The following TMPRSS11D variants were observed in gnomAD, a reference collection of about 807,000 sequenced individuals.
The protein encoded by TMPRSS11D is transmembrane serine protease 11D, also known as transmembrane protease serine 11D.
Under a neutral mutation model 44.4 loss-of-function variants are expected in TMPRSS11D, and 32 were observed. That is an observed-to-expected ratio of 0.72 (90% CI 0.54 to 0.97). The LOEUF is 0.97. Ranked by LOEUF, TMPRSS11D falls within the 50% of genes least tolerant of loss-of-function variation. The pLI is 0.00. For missense variants in TMPRSS11D, 446 were observed against 502.6 expected, an observed-to-expected ratio of 0.89 and a Z score of 1.08; for synonymous variants, 179 against 177.9, an observed-to-expected ratio of 1.01 and a Z score of -0.05.
At chr4:67,839,777 G>A (rs1455848121) in intron 4 of TMPRSS11D, among the ~76,000 whole-genome samples, 1 of 151,730 alleles carries the variant, frequency 6.6e-6, no homozygotes, top group Non-Finnish European at 1.5e-5. Flanking sequence ...CTGGCTGCAC[G>A]ATGTCTGAAT....
chr4:67,867,905 G>T (rs529588667), intron 1 of TMPRSS11D, among the ~76,000 whole-genome samples: 2 of 152,188 alleles, frequency 1.3e-5, no homozygotes, highest in South Asian at 4.1e-4. Context: ...GAAAAACAAT[G>T]TGGAGACTTC....
At chr4:67,826,187 T>C (rs1321776869) in intron 8 of TMPRSS11D, among the ~76,000 whole-genome samples, 1 of 152,126 alleles carries the variant, frequency 6.6e-6, no homozygotes, top group East Asian at 1.9e-4. Flanking sequence ...AGATTTTGGA[T>C]TGGAAGATTA....
At chr4:67,842,768 CAT>C in intron 3 of TMPRSS11D, 143 bp from the exon 4 acceptor site, 1 of 720,190 alleles carries the variant, frequency 1.4e-6, no homozygotes, top group South Asian at 1.7e-5. Flanking sequence ...TTGCAAAACA[CAT>C]GGGATTGATT....
chr4:67,874,277 C>T (rs1476863696), intron 1 of TMPRSS11D, among the ~76,000 whole-genome samples: 1 of 151,052 alleles, frequency 6.6e-6, no homozygotes, highest in Non-Finnish European at 1.5e-5. Flanking sequence ...GTTTCCCTGT[C>T]AAGTAACGCA....
intron 3 of TMPRSS11D, among the ~76,000 whole-genome samples, chr4:67,847,243 ATGT>A (rs1314735565): frequency 1.3e-5 from 2 of 152,116 alleles, no homozygotes; most frequent in African/African-American, 2.4e-5. Context: ...TTGAAGGAAA[ATGT>A]TGTGTGTGTG....
intron 9 of TMPRSS11D, among the ~76,000 whole-genome samples, chr4:67,823,791 G>C (rs559013958): frequency 1.3e-5 from 2 of 152,150 alleles, no homozygotes; most frequent in East Asian, 3.9e-4. Flanking sequence ...CAGTTAACCA[G>C]TTCTCAGTTC....
chr4:67,853,389 G>A (rs556195237), intron 3 of TMPRSS11D, among the ~76,000 whole-genome samples: 1 of 152,304 alleles, frequency 6.6e-6, no homozygotes, highest in East Asian at 1.9e-4. Flanking sequence ...CCTGCCAGGT[G>A]ACTCAGTTAC....
chr4:67,852,820 ATGT>A (rs1222634053), intron 3 of TMPRSS11D, among the ~76,000 whole-genome samples: 1 of 152,132 alleles, frequency 6.6e-6, no homozygotes, highest in Non-Finnish European at 1.5e-5. Flanking sequence ...ACCCGACCAA[ATGT>A]TGTGGATATA....
intron 1 of TMPRSS11D, among the ~76,000 whole-genome samples, chr4:67,882,849 A>G (rs1484571993): frequency 6.6e-6 from 1 of 150,542 alleles, no homozygotes. Context: ...ATGAGTAAAT[A>G]CAATTTTGTG....
chr4:67,872,487 T>C (rs62301302), intron 1 of TMPRSS11D, among the ~76,000 whole-genome samples: 2,194 of 152,278 alleles, frequency 0.014, 28 homozygotes, highest in Non-Finnish European at 0.022. Flanking sequence ...TATTTGATTA[T>C]CTTTTGGGAT....
intron 6 of TMPRSS11D, 137 bp downstream of exon 6, chr4:67,834,946 T>G: frequency 2.6e-6 from 2 of 766,144 alleles, no homozygotes; most frequent in Non-Finnish European, 4.5e-6. Context: ...CTGTCTTGTT[T>G]CAACACCACC....
At chr4:67,834,331 T>C (rs1198623024) in intron 6 of TMPRSS11D, among the ~76,000 whole-genome samples, 1 of 152,144 alleles carries the variant, frequency 6.6e-6, no homozygotes, top group Non-Finnish European at 1.5e-5. Flanking sequence ...ATGTGTTCCT[T>C]TGTGGCATCT....
At chr4:67,862,409 A>G (rs763493625) in intron 1 of TMPRSS11D, among the ~76,000 whole-genome samples, 24 of 152,236 alleles carry the variant, frequency 1.6e-4, no homozygotes, top group Non-Finnish European at 3.2e-4. Flanking sequence ...GTCCCTAAGT[A>G]CATTGCTTCA....
intron 1 of TMPRSS11D, among the ~76,000 whole-genome samples, chr4:67,870,813 CAAAAA>C (rs11318143): frequency 1.5e-5 from 2 of 133,950 alleles, no homozygotes; most frequent in Non-Finnish European, 1.6e-5. Flanking sequence ...GACCCTGTCT[CAAAAA>C]AAAAAAAAAA....
intron 3 of TMPRSS11D, among the ~76,000 whole-genome samples, chr4:67,844,975 G>A (rs1371821230): frequency 1.3e-5 from 2 of 151,956 alleles, no homozygotes; most frequent in South Asian, 2.1e-4. Flanking sequence ...GACTTTAATC[G>A]AAGTAGAAAA....
intron 4 of TMPRSS11D, among the ~76,000 whole-genome samples, chr4:67,841,708 C>T (rs1718235142): frequency 6.6e-6 from 1 of 152,152 alleles, no homozygotes; most frequent in Non-Finnish European, 1.5e-5. Context: ...AGTGAATGTG[C>T]ACTGAATTGA....
In TMPRSS11D at chr4:67,827,247, T is replaced by C. The variant is rs531197984; in HGVS notation, c.952+14A>G. ...GACATTTCTATTGTTAATTTTTTTTTCCGAGACACTTACCAGCATATTCTT... is the reference window on the plus strand; with the variant it reads ...GACATTTCTATTGTTAATTTTTTTTCCCGAGACACTTACCAGCATATTCTT... On this transcript the variant is annotated intron_variant, in intron 8 of 9. Transcript: ENST00000283916. 1.6e-5 allele frequency: 25 copies of C among 1,569,766 alleles called. No homozygotes were observed. In the Admixed American group the frequency reaches 4.2e-4, roughly 26 times the overall value.
chr4:67,843,757 A>G (rs553379432), intron 3 of TMPRSS11D, among the ~76,000 whole-genome samples: 32 of 152,146 alleles, frequency 2.1e-4, no homozygotes, highest in African/African-American at 7.0e-4. Flanking sequence ...CTCCGTCTCT[A>G]CTAAAAATAC....
chr4:67,822,871 G>C (rs1270734067), intron 9 of TMPRSS11D, among the ~76,000 whole-genome samples: 2 of 152,016 alleles, frequency 1.3e-5, no homozygotes, highest in East Asian at 3.9e-4. Flanking sequence ...TTTATATCTT[G>C]TGTGTGTCTC....
Sources: allele counts gnomAD v4.1 joint callset (sites outside exome capture counted in the v4.1 genomes callset), GRCh38; gene constraint gnomAD v4.1.1; transcripts MANE v1.5; gene names NCBI Gene and HGNC (gene_info 2026-07-23, HGNC 2026-07-21).